The following CAST variants were observed in gnomAD, a reference collection of about 807,000 sequenced individuals.
CAST encodes calpastatin.
A neutral mutation model predicts 119.6 loss-of-function variants in CAST; 76 were observed. That is an observed-to-expected ratio of 0.64 (90% CI 0.53 to 0.77). The LOEUF (loss-of-function observed/expected upper bound fraction) is 0.77, where lower values mean the gene tolerates loss of function less well. Among genes scored for constraint, CAST ranks in the 30% least tolerant of loss-of-function variants. The pLI, the probability that CAST is intolerant of heterozygous loss-of-function variation, is 0.00. For synonymous variants in CAST, 319 were observed against 331.6 expected, an observed-to-expected ratio of 0.96 and a Z score of 0.41; for missense variants, 953 against 946.5, an observed-to-expected ratio of 1.01 and a Z score of -0.09.
the CAST span, among the ~76,000 whole-genome samples, chr5:96,189,043 G>A: frequency 2.1e-3 from 314 of 152,210 alleles, 1 homozygote; most frequent in African/African-American, 7.0e-3. Flanking sequence ...CATTTTCTCA[G>A]TTAAAGACTC....
At chr5:96,398,175 GAGCCTATTCCAAACCTCTAAGAATTA>G in the CAST span, among the ~76,000 whole-genome samples, 1 of 152,148 alleles carries the variant, frequency 6.6e-6, no homozygotes, top group Non-Finnish European at 1.5e-5. Context: ...AAAATTAACA[GAGCCTATTCCAAACCTCTAAGAATTA>G]ATATTCAGGA....
the CAST span, among the ~76,000 whole-genome samples, chr5:96,294,747 G>T: frequency 6.6e-6 from 1 of 152,178 alleles, no homozygotes; most frequent in African/African-American, 2.4e-5. Context: ...ATTTCTAGCC[G>T]CCAGGCTTTG....
chr5:96,479,986 C>A, the CAST span, among the ~76,000 whole-genome samples: 5 of 152,044 alleles, frequency 3.3e-5, no homozygotes, highest in African/African-American at 1.2e-4. Flanking sequence ...AGAGGGGATT[C>A]TGGGTTTATC....
chr5:96,475,562 C>G, the CAST span, among the ~76,000 whole-genome samples: 1 of 152,152 alleles, frequency 6.6e-6, no homozygotes, highest in Non-Finnish European at 1.5e-5. Flanking sequence ...GCCAGATGGG[C>G]CGAGTACCCT....
chr5:96,133,124 A>G, the CAST span, among the ~76,000 whole-genome samples: 1 of 152,250 alleles, frequency 6.6e-6, no homozygotes, highest in Non-Finnish European at 1.5e-5. Flanking sequence ...GTGTTTTAAA[A>G]GTCTTACTTA....
intron 3 of CAST, among the ~76,000 whole-genome samples, chr5:96,718,054 G>T (rs1475823966): frequency 1.3e-5 from 2 of 152,156 alleles, no homozygotes; most frequent in Non-Finnish European, 2.9e-5. Context: ...TGGTGATAAG[G>T]ACTGGAACTG....
At chr5:96,764,810 T>C (rs1769272209) in intron 25 of CAST, among the ~76,000 whole-genome samples, 1 of 152,228 alleles carries the variant, frequency 6.6e-6, no homozygotes, top group Non-Finnish European at 1.5e-5. Flanking sequence ...ATGTTTGTTT[T>C]CATATCCAGT....
chr5:96,287,501 A>G, the CAST span, among the ~76,000 whole-genome samples: 2 of 152,132 alleles, frequency 1.3e-5, no homozygotes, highest in African/African-American at 4.8e-5. Context: ...TGTGAAATGA[A>G]CCCATAAAGA....
chr5:96,019,361 A>T, the CAST span, among the ~76,000 whole-genome samples: 1 of 152,216 alleles, frequency 6.6e-6, no homozygotes, highest in African/African-American at 2.4e-5. Context: ...TATGTAAAGC[A>T]ATACTTCTGT....
chr5:96,511,299 C>A, the CAST span, among the ~76,000 whole-genome samples: 1 of 152,158 alleles, frequency 6.6e-6, no homozygotes. Flanking sequence ...CGCCCGCCAC[C>A]ACGCCTGGCT....
At position 96,742,708 on chromosome 5, in the gene CAST, G is replaced by A. The variant is rs1762952205; in HGVS notation, c.1152G>A (p.Arg384=). Residue 384 remains arginine (R), a synonymous_variant, in exon 16 of 32, where the codon CGG becomes CGA. Transcript: ENST00000675179. ...LEALSASLGT[R]QAEPELDLRS... is the part of the protein sequence containing the mutation. ...CTCTGTCGGCTTCACTGGGCACCCG[G>A]CAAGCAGAACCTGAGCTCGACCTCC... is the stretch of plus-strand genomic sequence containing the variant. The A allele has an allele frequency of 1.2e-5, 20 of 1,613,844 alleles. No individual in the cohort carries two copies. The South Asian group carries it at 1.9e-4, about 15-fold the overall frequency.
chr5:96,217,221 TATAGAGATGAGG>T, the CAST span, among the ~76,000 whole-genome samples: 236 of 149,538 alleles, frequency 1.6e-3, no homozygotes, highest in Middle Eastern at 3.4e-3. Context: ...TTTTTTTTTT[TATAGAGATGAGG>T]TCTTGCTTTG....
chr5:95,992,985 A>G, the CAST span, among the ~76,000 whole-genome samples: 1 of 152,200 alleles, frequency 6.6e-6, no homozygotes, highest in East Asian at 1.9e-4. Context: ...TAGAAAACAC[A>G]CTTTTTAAAA....
intron 1 of CAST, among the ~76,000 whole-genome samples, chr5:96,635,594 C>A (rs565676490): frequency 9.2e-5 from 14 of 152,262 alleles, no homozygotes; most frequent in African/African-American, 3.4e-4. Flanking sequence ...CAGCAACATT[C>A]GCATCAGAAA....
At chr5:96,499,025 G>T in the CAST span, among the ~76,000 whole-genome samples, 3 of 133,208 alleles carry the variant, frequency 2.3e-5, no homozygotes, top group Non-Finnish European at 4.7e-5. Flanking sequence ...TAAACATTGT[G>T]CAGGAAAAAA....
the CAST span, among the ~76,000 whole-genome samples, chr5:96,434,336 C>T: frequency 6.6e-6 from 1 of 152,226 alleles, no homozygotes; most frequent in African/African-American, 2.4e-5. Flanking sequence ...TGGACAGCGA[C>T]ACACGCAGGA....
the CAST span, among the ~76,000 whole-genome samples, chr5:96,197,347 C>T: frequency 3.9e-5 from 6 of 152,166 alleles, no homozygotes; most frequent in Non-Finnish European, 7.3e-5. Context: ...GCTGTCTACT[C>T]TGAAAAACAC....
chr5:96,690,640 A>G (rs1167248779), intron 2 of CAST, among the ~76,000 whole-genome samples: 1 of 152,262 alleles, frequency 6.6e-6, no homozygotes, highest in Non-Finnish European at 1.5e-5. Flanking sequence ...CACTTGCAGT[A>G]GCACACATTT....
At chr5:96,239,039 T>C in the CAST span, among the ~76,000 whole-genome samples, 17 of 152,170 alleles carry the variant, frequency 1.1e-4, no homozygotes, top group African/African-American at 3.9e-4. Flanking sequence ...CTACCAACTT[T>C]GGTGAGAGTG....
Sources: allele counts gnomAD v4.1 joint callset (sites outside exome capture counted in the v4.1 genomes callset), GRCh38; gene constraint gnomAD v4.1.1; transcripts MANE v1.5; gene names NCBI Gene and HGNC (gene_info 2026-07-23, HGNC 2026-07-21).